The following PRDM16 variants were observed in gnomAD, a reference collection of about 807,000 sequenced individuals.
The protein encoded by PRDM16 is histone-lysine N-methyltransferase PRDM16.
A neutral mutation model predicts 110.6 loss-of-function variants in PRDM16; 23 were observed. The observed-to-expected ratio is 0.21, with a 90% confidence interval of 0.15 to 0.29. The LOEUF is 0.29. Among genes scored for constraint, PRDM16 ranks in the 10% least tolerant of loss-of-function variants. The pLI, the probability that PRDM16 is intolerant of heterozygous loss-of-function variation, is 1.00. For synonymous variants in PRDM16, 799 were observed against 781.8 expected (o/e 1.02, Z -0.37); for missense variants, 1,615 against 1,794.3 (o/e 0.90, Z 1.81).
At chr1:3,159,858 A>G (rs1377245980) in intron 1 of PRDM16, among the ~76,000 whole-genome samples, 1 of 152,248 alleles carries the variant, frequency 6.6e-6, no homozygotes, top group African/African-American at 2.4e-5. Context: ...GTCCAGACTC[A>G]GAGTGCCAGA....
chr1:3,151,087 C>A (rs1643767203), intron 1 of PRDM16, among the ~76,000 whole-genome samples: 1 of 152,146 alleles, frequency 6.6e-6, no homozygotes, highest in Admixed American at 6.5e-5. Context: ...GTGGCGGGAC[C>A]CCTGGGCCTC....
chr1:3,298,883 C>T (rs1018070124), intron 3 of PRDM16, among the ~76,000 whole-genome samples: 5 of 152,328 alleles, frequency 3.3e-5, no homozygotes, highest in Middle Eastern at 3.4e-3. Flanking sequence ...GCTGTAAGTC[C>T]CTTCCGTAGC....
chr1:3,155,283 G>A (rs1643841220), intron 1 of PRDM16, among the ~76,000 whole-genome samples: 1 of 152,264 alleles, frequency 6.6e-6, no homozygotes, highest in South Asian at 2.1e-4. Flanking sequence ...TTCTTGGAGG[G>A]TTTTGAAAGA....
intron 3 of PRDM16, among the ~76,000 whole-genome samples, chr1:3,346,856 A>G (rs1232060197): frequency 6.6e-6 from 1 of 152,174 alleles, no homozygotes. Context: ...CATGCAACCA[A>G]GTGGCTCCTG....
intron 1 of PRDM16, among the ~76,000 whole-genome samples, chr1:3,104,660 T>C (rs1484798718): frequency 6.6e-6 from 1 of 152,100 alleles, no homozygotes; most frequent in Non-Finnish European, 1.5e-5. Context: ...CATTCAGAGC[T>C]GCAGCCACTT....
In PRDM16 at chr1:3,143,289, G is replaced by A. The variant is rs1018653990; in HGVS notation, c.38-42836G>A. Among the ~76,000 whole-genome samples the A allele has an allele frequency of 6.6e-6, 1 of 152,032 alleles. No homozygotes were observed. Among genetic ancestry groups the A allele is most frequent in the Non-Finnish European group, 1.5e-5 (1 of 68,020 alleles). ...TGCCGGGAAGTGTGGACATGGGTCC[G>A]GGCTGAGGACTTCGTCAGGTGTCAG... On this transcript the variant is annotated intron_variant, in intron 1 of 16. Transcript: ENST00000270722. The surrounding 1 kb of genome is among the most constrained non-coding windows in gnomAD (Gnocchi z 4.5).
intron 3 of PRDM16, among the ~76,000 whole-genome samples, chr1:3,303,039 CTT>C (rs968437479): frequency 1.4e-4 from 21 of 152,128 alleles, no homozygotes; most frequent in East Asian, 3.8e-4. Flanking sequence ...GATATATACA[CTT>C]ATATATATCA....
intron 3 of PRDM16, among the ~76,000 whole-genome samples, chr1:3,333,800 G>C (rs1021527483): frequency 6.6e-6 from 1 of 152,080 alleles, no homozygotes; most frequent in Non-Finnish European, 1.5e-5. Context: ...CCCTCGGTTA[G>C]CTCATGCGAG....
chr1:3,082,265 G>A (rs938770095), intron 1 of PRDM16, among the ~76,000 whole-genome samples: 2 of 152,168 alleles, frequency 1.3e-5, no homozygotes, highest in African/African-American at 2.4e-5. Context: ...TCCTTGAGGG[G>A]AAGTTTTCTG....
chr1:3,147,939 CG>C (rs900342144), intron 1 of PRDM16, among the ~76,000 whole-genome samples: 15 of 152,316 alleles, frequency 9.8e-5, no homozygotes, highest in African/African-American at 3.1e-4. Context: ...CCCCTCACTG[CG>C]CTGACAGTCT....
rs1008298301 is a variant in PRDM16 at position 3,358,407 on chromosome 1, G to A, written c.439-26745G>A. ...GCAGCCATGGGGACTGATGGCAAAAGACCTCGGCGGGTACAGAAAATCTCC... is the reference window on the plus strand; with the variant it reads ...GCAGCCATGGGGACTGATGGCAAAAAACCTCGGCGGGTACAGAAAATCTCC... On this transcript the variant is annotated intron_variant, in intron 3 of 16. Coordinates refer to ENST00000270722, the MANE Select transcript of PRDM16 (RefSeq NM_022114.4). The surrounding 1 kb of genome is among the most constrained non-coding windows in gnomAD (Gnocchi z 4.0). Among the ~76,000 whole-genome samples, 1 of 152,186 alleles carries A rather than the reference G, an allele frequency of 6.6e-6. No individual in the cohort carries two copies. Among genetic ancestry groups the A allele is most frequent in the African/African-American group, 2.4e-5 (1 of 41,444 alleles).
intron 1 of PRDM16, among the ~76,000 whole-genome samples, chr1:3,089,528 C>T (rs1642225163): frequency 1.3e-5 from 2 of 152,212 alleles, no homozygotes; most frequent in African/African-American, 4.8e-5. Context: ...GAAAATAAAC[C>T]CCCGCCAAGC....
At chr1:3,271,896 C>G (rs1010512078) in intron 3 of PRDM16, among the ~76,000 whole-genome samples, 2 of 152,208 alleles carry the variant, frequency 1.3e-5, no homozygotes, top group African/African-American at 4.8e-5. Flanking sequence ...CCTGCACACA[C>G]CACCCTCACC....
intron 1 of PRDM16, among the ~76,000 whole-genome samples, chr1:3,084,651 G>C (rs1385555583): frequency 6.6e-6 from 1 of 152,198 alleles, no homozygotes; most frequent in Non-Finnish European, 1.5e-5. Context: ...ACTTGTCCTT[G>C]AGAATTTGAG....
intron 15 of PRDM16, among the ~76,000 whole-genome samples, chr1:3,431,487 C>T (rs1193821663): frequency 6.6e-6 from 1 of 152,242 alleles, no homozygotes; most frequent in African/African-American, 2.4e-5. Context: ...CATTCTGTGC[C>T]GGCCAGGGCC....
At position 3,181,439 on chromosome 1, in the gene PRDM16, CAGTCTTACACGGT is replaced by C. The variant is rs1184912318; in HGVS notation, c.38-4685_38-4673del. 7.4e-5 allele frequency among the ~76,000 whole-genome samples: 3 copies of C among 40,424 alleles called. 1 individual carries two copies. The highest frequency in any genetic ancestry group is 2.0e-4 in the Non-Finnish European group (3 of 15,176). The allele number at this position is 40,424 out of a possible 152,430, so 26.5% of individuals were successfully genotyped here. On this transcript the variant is annotated intron_variant, in intron 1 of 16. Coordinates refer to ENST00000270722, the MANE Select transcript of PRDM16 (RefSeq NM_022114.4). Reference sequence around the variant, plus strand: ...TCTTACACACGCGGTCTTACACAAGCAGTCTTACACGGTCTTACACACGGTCTTACACACGCAG... The same window carrying C: ...TCTTACACACGCGGTCTTACACAAGCCTTACACACGGTCTTACACACGCAG...
intron 2 of PRDM16, among the ~76,000 whole-genome samples, chr1:3,241,529 T>C (rs1293270519): frequency 6.6e-6 from 1 of 152,178 alleles, no homozygotes; most frequent in Non-Finnish European, 1.5e-5. Context: ...GGTCAGTGCG[T>C]CGCATGTAAC....
intron 1 of PRDM16, among the ~76,000 whole-genome samples, chr1:3,099,779 A>G (rs1351471102): frequency 6.6e-6 from 1 of 152,154 alleles, no homozygotes; most frequent in East Asian, 1.9e-4. Flanking sequence ...TTTAAGAGAA[A>G]ACACTCCCAG....
rs180879843 is a variant in PRDM16 at position 3,124,511 on chromosome 1, G to A, written c.37+55215G>A. ...CAGCCCCAGCTTGGCCTTTTGGAAG[G>A]CAGCGATGCTTACCACTATAGCACC... On this transcript the variant is annotated intron_variant, in intron 1 of 16. Coordinates refer to ENST00000270722, the MANE Select transcript of PRDM16 (RefSeq NM_022114.4). Among the ~76,000 whole-genome samples, 258 of 152,308 alleles carry A rather than the reference G, an allele frequency of 1.7e-3. 1 individual carries two copies. Among genetic ancestry groups the A allele is most frequent in the African/African-American group, 6.1e-3 (253 of 41,570 alleles).
Sources: allele counts gnomAD v4.1 joint callset (sites outside exome capture counted in the v4.1 genomes callset), GRCh38; gene constraint gnomAD v4.1.1; non-coding constraint Gnocchi (gnomAD v3.1); transcripts MANE v1.5; gene names NCBI Gene and HGNC (gene_info 2026-07-23, HGNC 2026-07-21).